TNRC6C: variants seen among roughly 807,000 people sequenced by gnomAD.
TNRC6C encodes trinucleotide repeat containing adaptor 6C, also known as trinucleotide repeat-containing gene 6C protein.
A neutral mutation model predicts 153.7 loss-of-function variants in TNRC6C; 20 were observed. The observed-to-expected ratio is 0.13, with a 90% confidence interval of 0.09 to 0.19. The LOEUF is 0.19. Among genes scored for constraint, TNRC6C ranks in the 10% least tolerant of loss-of-function variants. TNRC6C has a pLI of 1.00. For synonymous variants in TNRC6C, 811 were observed against 841.4 expected, an observed-to-expected ratio of 0.96 and a Z score of 0.63; for missense variants, 1,987 against 2,172.0, an observed-to-expected ratio of 0.91 and a Z score of 1.69.
upstream of TNRC6C, among the ~76,000 whole-genome samples, chr17:78,000,652 A>G (rs9895208): frequency 6.8e-3 from 782 of 115,080 alleles, 21 homozygotes; most frequent in African/African-American, 0.026. Context: ...AAATTAGTGA[A>G]TATTTTGATG....
intron 1 of TNRC6C, among the ~76,000 whole-genome samples, chr17:78,015,425 A>G (rs560008696): frequency 1.3e-5 from 2 of 152,358 alleles, no homozygotes; most frequent in South Asian, 4.1e-4. Context: ...TTTTACCTAT[A>G]AAAAGTTAGT....
upstream of TNRC6C, among the ~76,000 whole-genome samples, chr17:78,000,544 A>G (rs2143145447): frequency 6.7e-6 from 1 of 150,050 alleles, no homozygotes; most frequent in Non-Finnish European, 1.5e-5. Context: ...ACTGAAAGGA[A>G]ATTCTAATTG....
chr17:78,081,814 C>A (rs1031434617), intron 10 of TNRC6C, among the ~76,000 whole-genome samples: 1 of 152,178 alleles, frequency 6.6e-6, no homozygotes, highest in African/African-American at 2.4e-5. Flanking sequence ...TCCCAAATGG[C>A]AAGGCATCTG....
intron 1 of TNRC6C, among the ~76,000 whole-genome samples, chr17:78,008,074 T>TA (rs2071554588): frequency 6.6e-6 from 1 of 152,228 alleles, no homozygotes; most frequent in Non-Finnish European, 1.5e-5. Context: ...TCTTAATAGA[T>TA]GAGTCTCCAT....
At chr17:78,009,382 T>A (rs72894037) in intron 1 of TNRC6C, among the ~76,000 whole-genome samples, 2,068 of 152,258 alleles carry the variant, frequency 0.014, 18 homozygotes, top group Non-Finnish European at 0.021. Context: ...TTTTAATGAT[T>A]AACTATGATA....
intron 17 of TNRC6C, among the ~76,000 whole-genome samples, chr17:78,100,866 C>CCCAGGT (rs776916576): frequency 1.3e-5 from 2 of 149,824 alleles, no homozygotes; most frequent in Non-Finnish European, 3.0e-5. Context: ...ACCTCTGCCT[C>CCCAGGT]CCAGGTTCAA....
chr17:78,003,012 A>G (rs2071435878), upstream of TNRC6C, among the ~76,000 whole-genome samples: 2 of 152,242 alleles, frequency 1.3e-5, no homozygotes, highest in Admixed American at 1.3e-4. Flanking sequence ...TGATAAGAAT[A>G]GGAAGTTATG....
chr17:78,102,427 C>G, intron 17 of TNRC6C, 47 bp from the exon 21 acceptor site: 3 of 1,550,218 alleles, frequency 1.9e-6, no homozygotes, highest in Non-Finnish European at 1.8e-6. Flanking sequence ...GCCGCACTAT[C>G]CACTGGCACG....
upstream of TNRC6C, among the ~76,000 whole-genome samples, chr17:78,003,357 G>C (rs1263808429): frequency 6.6e-6 from 1 of 152,160 alleles, no homozygotes; most frequent in African/African-American, 2.4e-5. Flanking sequence ...AAGGAAAAAA[G>C]ATATGCAGAA....
chr17:77,976,931 G>GAA (rs57726847), intron 1 of TNRC6C, among the ~76,000 whole-genome samples: 2,247 of 46,596 alleles, frequency 0.048, 459 homozygotes, highest in African/African-American at 0.056. Context: ...CTCCATCTCA[G>GAA]AAAAAAAAAA....
At chr17:78,073,235 A>G in intron 7 of TNRC6C, 141 bp downstream of exon 9, 1 of 580,248 alleles carries the variant, frequency 1.7e-6, no homozygotes, top group Non-Finnish European at 2.9e-6. Context: ...GCAACCACAC[A>G]ACAAGCTGGA....
chr17:78,025,495 AC>A (rs2071924162), intron 1 of TNRC6C, among the ~76,000 whole-genome samples: 1 of 152,168 alleles, frequency 6.6e-6, no homozygotes. Flanking sequence ...GTACTGAAAA[AC>A]ATCTTGGTTG....
chr17:78,074,842 G>C (rs560052935), intron 7 of TNRC6C, among the ~76,000 whole-genome samples: 29 of 152,256 alleles, frequency 1.9e-4, no homozygotes, highest in Admixed American at 9.8e-4. Context: ...CTGAGGGCCA[G>C]CAGTGGCTGG....
At chr17:77,962,842 G>T (rs147025443) in intron 1 of TNRC6C, among the ~76,000 whole-genome samples, 1 of 152,220 alleles carries the variant, frequency 6.6e-6, no homozygotes, top group Non-Finnish European at 1.5e-5. Flanking sequence ...GGTCTCTCTT[G>T]CATGACAACT....
intron 16 of TNRC6C, among the ~76,000 whole-genome samples, chr17:78,094,841 T>C (rs1433412960): frequency 6.6e-6 from 1 of 152,240 alleles, no homozygotes; most frequent in African/African-American, 2.4e-5. Flanking sequence ...ATGCTGTGTA[T>C]TCCTTGGGGT....
chr17:78,000,363 C>G (rs149857877), upstream of TNRC6C, among the ~76,000 whole-genome samples: 284 of 152,334 alleles, frequency 1.9e-3, no homozygotes, highest in African/African-American at 6.4e-3. Flanking sequence ...CCTTCTCATA[C>G]TGCCCACAAA....
chr17:78,000,156 G>A (rs1423535569), upstream of TNRC6C, among the ~76,000 whole-genome samples: 1 of 152,110 alleles, frequency 6.6e-6, no homozygotes, highest in Non-Finnish European at 1.5e-5. Flanking sequence ...CCAATATGCT[G>A]GCTTACAGGC....
intron 2 of TNRC6C, among the ~76,000 whole-genome samples, chr17:78,046,776 C>G (rs924303869): frequency 9.2e-5 from 14 of 152,160 alleles, no homozygotes; most frequent in Admixed American, 2.6e-4. Flanking sequence ...GATCTACTTT[C>G]ATTTCATGTG....
At position 78,079,339 on chromosome 17, in the gene TNRC6C, A is replaced by G. The variant is rs1157984644; in HGVS notation, c.3211-56A>G. 3 of 1,592,704 alleles carry G rather than the reference A, an allele frequency of 1.9e-6. No homozygotes were observed. Among genetic ancestry groups the G allele is most frequent in the Admixed American group, 1.7e-5 (1 of 59,336 alleles). On this transcript the variant is annotated intron_variant, in intron 9 of 19. Coordinates refer to ENST00000301624, the Ensembl canonical transcript of TNRC6C. This position sits in a 1 kb window ranked among gnomAD's most constrained non-coding sequence, Gnocchi z 4.3. ...AATAGATCATTTCACCCTACCTCCA[A>G]ACAATGTTACTCTAATGCCTGCCTT...
Sources: gnomAD v4.1 joint callset for allele counts (sites outside exome capture counted in the v4.1 genomes callset) on GRCh38, gnomAD v4.1.1 for gene constraint, Gnocchi (gnomAD v3.1) non-coding constraint, MANE v1.5 for transcripts, NCBI Gene and HGNC (gene_info 2026-07-23, HGNC 2026-07-21) for gene names.